SGCZ: variants seen among roughly 807,000 people sequenced by gnomAD.
The protein encoded by SGCZ is zeta-sarcoglycan.
In SGCZ, 40 loss-of-function variants were observed where a neutral mutation model predicts 41.3. The ratio of observed to expected loss-of-function variants is 0.97; its 90% CI spans 0.75 to 1.26. The LOEUF is 1.26. SGCZ is among the 50% of genes most tolerant of loss of function. The pLI is 0.00. For synonymous variants in SGCZ, 206 were observed against 137.5 expected, an observed-to-expected ratio of 1.50 and a Z score of -3.49; for missense variants, 552 against 369.8, an observed-to-expected ratio of 1.49 and a Z score of -4.04.
chr8:14,276,416 G>T (rs1216606827), intron 3 of SGCZ, among the ~76,000 whole-genome samples: 1 of 152,126 alleles, frequency 6.6e-6, no homozygotes, highest in Non-Finnish European at 1.5e-5. Flanking sequence ...CATGACTGAA[G>T]CGATTGTTAA....
chr8:14,701,610 T>G (rs1266963268), intron 1 of SGCZ, among the ~76,000 whole-genome samples: 3 of 151,996 alleles, frequency 2.0e-5, no homozygotes, highest in Non-Finnish European at 2.9e-5. Flanking sequence ...CAAACTATCC[T>G]GCTACTAATC....
At chr8:14,273,612 T>C (rs1156887393) in intron 3 of SGCZ, among the ~76,000 whole-genome samples, 2 of 152,192 alleles carry the variant, frequency 1.3e-5, no homozygotes, top group African/African-American at 4.8e-5. Context: ...TATACATTTT[T>C]GCATATTGTG....
chr8:14,364,274 C>T (rs1197742217), intron 2 of SGCZ, among the ~76,000 whole-genome samples: 1 of 152,064 alleles, frequency 6.6e-6, no homozygotes, highest in Non-Finnish European at 1.5e-5. Flanking sequence ...TCTATATTTA[C>T]CTGTTGGTGG....
chr8:15,096,421 C>T (rs7001781), intron 1 of SGCZ, among the ~76,000 whole-genome samples: 144,867 of 152,146 alleles, frequency 0.95, 69,201 homozygotes, highest in Middle Eastern at 1. Flanking sequence ...TGATTGTCTA[C>T]GAAAGCAGGA....
At chr8:14,253,421 G>A (rs550694906) in intron 3 of SGCZ, among the ~76,000 whole-genome samples, 1 of 152,064 alleles carries the variant, frequency 6.6e-6, no homozygotes, top group Non-Finnish European at 1.5e-5. Context: ...TCCAGAAAAA[G>A]AGATTTCAAT....
At chr8:14,488,724 C>A (rs115697606) in intron 2 of SGCZ, among the ~76,000 whole-genome samples, 11 of 150,688 alleles carry the variant, frequency 7.3e-5, no homozygotes, top group African/African-American at 2.7e-4. Flanking sequence ...AAGCAGTAGA[C>A]TTCCCTCGCT....
At chr8:15,031,182 G>A in intron 1 of SGCZ, among the ~76,000 whole-genome samples, 1 of 152,022 alleles carries the variant, frequency 6.6e-6, no homozygotes, top group East Asian at 1.9e-4. Flanking sequence ...TTTATTCTTA[G>A]TGCATAATGT....
At chr8:14,180,312 A>T (rs1282369557) in intron 4 of SGCZ, among the ~76,000 whole-genome samples, 1 of 152,154 alleles carries the variant, frequency 6.6e-6, no homozygotes, top group East Asian at 1.9e-4. Context: ...GAGTGTCCTG[A>T]TCACTAGTCC....
chr8:14,654,449 T>A (rs1008678156), intron 1 of SGCZ, among the ~76,000 whole-genome samples: 1 of 152,138 alleles, frequency 6.6e-6, no homozygotes, highest in Non-Finnish European at 1.5e-5. Flanking sequence ...GTAGTTGCTA[T>A]GAGAATTAAG....
chr8:15,129,707 C>CA (rs59401421), intron 1 of SGCZ, among the ~76,000 whole-genome samples: 5,641 of 107,792 alleles, frequency 0.052, 573 homozygotes, highest in African/African-American at 0.18. Context: ...GAAGCATTTG[C>CA]AAAAAAAAAA....
intron 2 of SGCZ, among the ~76,000 whole-genome samples, chr8:14,514,797 G>C (rs1458622065): frequency 4.8e-4 from 42 of 86,696 alleles, no homozygotes; most frequent in African/African-American, 1.6e-3. Context: ...GTGTGTGTGT[G>C]TGTGTGTGTG....
At chr8:14,131,728 A>G (rs1202229445) in intron 5 of SGCZ, among the ~76,000 whole-genome samples, 4 of 152,224 alleles carry the variant, frequency 2.6e-5, no homozygotes, top group Admixed American at 2.6e-4. Flanking sequence ...CATGAAACAG[A>G]TAACATTTTA....
intron 1 of SGCZ, among the ~76,000 whole-genome samples, chr8:15,063,517 G>A (rs915303110): frequency 5.3e-5 from 8 of 152,116 alleles, no homozygotes; most frequent in African/African-American, 1.9e-4. Flanking sequence ...GTGAAAGGAT[G>A]GCCCAACTTA....
chr8:14,470,420 T>C (rs950582943), intron 2 of SGCZ, among the ~76,000 whole-genome samples: 6 of 152,152 alleles, frequency 3.9e-5, no homozygotes, highest in African/African-American at 1.4e-4. Context: ...GATGCTATTA[T>C]TAATTTCATT....
At chr8:14,282,078 T>C (rs530241941) in intron 3 of SGCZ, among the ~76,000 whole-genome samples, 1 of 152,214 alleles carries the variant, frequency 6.6e-6, no homozygotes, top group South Asian at 2.1e-4. Context: ...TTCTATATTC[T>C]TCATACTATC....
chr8:14,216,701 A>G (rs1410575214), intron 4 of SGCZ, among the ~76,000 whole-genome samples: 1 of 151,850 alleles, frequency 6.6e-6, no homozygotes, highest in Non-Finnish European at 1.5e-5. Context: ...TTTGTGATAA[A>G]AACTCTCAGC....
At chr8:15,208,187 T>A (rs547018409) in intron 1 of SGCZ, among the ~76,000 whole-genome samples, 2 of 152,312 alleles carry the variant, frequency 1.3e-5, no homozygotes, top group South Asian at 4.1e-4. Flanking sequence ...TGTAAAGAGA[T>A]CAAAGACAGT....
At chr8:14,965,491 T>C (rs1021963008) in intron 1 of SGCZ, among the ~76,000 whole-genome samples, 3 of 152,028 alleles carry the variant, frequency 2.0e-5, no homozygotes, top group African/African-American at 7.2e-5. Context: ...ATGTAGAATT[T>C]TAGGCCAAAA....
intron 5 of SGCZ, among the ~76,000 whole-genome samples, chr8:14,116,344 C>T (rs1478198649): frequency 2.0e-5 from 3 of 152,014 alleles, no homozygotes; most frequent in African/African-American, 7.2e-5. Flanking sequence ...TTTAGAATTT[C>T]CTTCTTACCT....
Sources: allele counts gnomAD v4.1 joint callset (sites outside exome capture counted in the v4.1 genomes callset), GRCh38; gene constraint gnomAD v4.1.1; transcripts MANE v1.5; gene names NCBI Gene and HGNC (gene_info 2026-07-23, HGNC 2026-07-21).